The following EPHA6 variants were observed in gnomAD, a reference collection of about 807,000 sequenced individuals.
EPHA6 encodes ephrin type-A receptor 6.
Under a neutral mutation model 112.0 loss-of-function variants are expected in EPHA6, and 50 were observed. The ratio of observed to expected loss-of-function variants is 0.45; its 90% confidence interval spans 0.36 to 0.56. The LOEUF (loss-of-function observed/expected upper bound fraction) is 0.56, where lower values mean the gene tolerates loss of function less well. Ranked by LOEUF, EPHA6 falls within the 20% of genes least tolerant of loss-of-function variation. The pLI, the probability that EPHA6 is intolerant of heterozygous loss-of-function variation, is 0.00. For synonymous variants in EPHA6, 529 were observed against 490.7 expected (o/e 1.08, Z -1.03); for missense variants, 1,280 against 1,417.4 (o/e 0.90, Z 1.56).
At chr3:97,057,023 T>G (rs558835245) in intron 3 of EPHA6, among the ~76,000 whole-genome samples, 3 of 152,338 alleles carry the variant, frequency 2.0e-5, no homozygotes, top group Non-Finnish European at 1.5e-5. Context: ...TGATCATTAT[T>G]CCTATCTGTT....
At chr3:97,527,396 A>G (rs2092636327) in intron 10 of EPHA6, among the ~76,000 whole-genome samples, 1 of 152,112 alleles carries the variant, frequency 6.6e-6, no homozygotes, top group Admixed American at 6.6e-5. Context: ...GAAATTTTTT[A>G]TCATGAATGG....
chr3:97,107,303 G>A (rs143417302), intron 3 of EPHA6, among the ~76,000 whole-genome samples: 64 of 151,984 alleles, frequency 4.2e-4, no homozygotes, highest in African/African-American at 1.4e-3. Context: ...CATTTTCATC[G>A]GCCTTCTTAA....
chr3:97,170,019 G>A (rs1424607646), intron 3 of EPHA6, among the ~76,000 whole-genome samples: 1 of 151,928 alleles, frequency 6.6e-6, no homozygotes, highest in Non-Finnish European at 1.5e-5. Flanking sequence ...TGCATGTGGG[G>A]CTTACAACCT....
chr3:97,295,289 T>A (rs1576867998), intron 5 of EPHA6, among the ~76,000 whole-genome samples: 1 of 152,226 alleles, frequency 6.6e-6, no homozygotes, highest in Admixed American at 6.5e-5. Context: ...CTTTTTTGTC[T>A]GACATAGTAA....
intron 3 of EPHA6, among the ~76,000 whole-genome samples, chr3:97,003,716 T>C (rs2043762306): frequency 6.6e-6 from 1 of 152,152 alleles, no homozygotes; most frequent in Non-Finnish European, 1.5e-5. Flanking sequence ...CACGCAGATT[T>C]GTTACATAGG....
At chr3:97,093,134 C>T (rs2047125505) in intron 3 of EPHA6, among the ~76,000 whole-genome samples, 1 of 152,112 alleles carries the variant, frequency 6.6e-6, no homozygotes, top group Admixed American at 6.6e-5. Flanking sequence ...AAATATAATC[C>T]TTGGTTATAC....
chr3:97,162,417 C>A (rs2076435393), intron 3 of EPHA6, among the ~76,000 whole-genome samples: 1 of 152,090 alleles, frequency 6.6e-6, no homozygotes, highest in Non-Finnish European at 1.5e-5. Flanking sequence ...GGGAAATAAC[C>A]AAAGGATGGG....
At chr3:97,311,150 C>G (rs371538109) in intron 5 of EPHA6, among the ~76,000 whole-genome samples, 2 of 151,758 alleles carry the variant, frequency 1.3e-5, no homozygotes, top group African/African-American at 4.8e-5. Context: ...TTTCTCTTCT[C>G]CATGCTGAAA....
At chr3:96,991,611 A>C (rs2043219536) in intron 3 of EPHA6, among the ~76,000 whole-genome samples, 1 of 152,142 alleles carries the variant, frequency 6.6e-6, no homozygotes, top group South Asian at 2.1e-4. Flanking sequence ...ACAATACATT[A>C]TTTTACAGTC....
At chr3:97,218,749 C>A (rs2078106483) in intron 3 of EPHA6, among the ~76,000 whole-genome samples, 1 of 152,160 alleles carries the variant, frequency 6.6e-6, no homozygotes, top group Admixed American at 6.5e-5. Context: ...CCAATCATGC[C>A]TTCCCAACTG....
intron 2 of EPHA6, among the ~76,000 whole-genome samples, chr3:96,906,172 T>C (rs1267788330): frequency 6.6e-6 from 1 of 152,126 alleles, no homozygotes; most frequent in African/African-American, 2.4e-5. Context: ...ATCAAGAAAT[T>C]GCTAAGCAGA....
chr3:97,341,207 T>G (rs2083285932), intron 5 of EPHA6, among the ~76,000 whole-genome samples: 1 of 152,144 alleles, frequency 6.6e-6, no homozygotes, highest in Non-Finnish European at 1.5e-5. Context: ...ATGGGCACGT[T>G]GGCTGTCAGA....
rs781751530 is a variant in EPHA6, at chr3:96,854,179, CTTTTTTT to C, written c.386-12634_386-12628del. On this transcript the variant is annotated intron_variant, in intron 1 of 17. Transcript: ENST00000389672. Reference sequence around the variant, plus strand: ...ATACTTCAACTCTGTTTAATCATGACTTTTTTTTTTTTTTTTTTGAGATGGAGTCTCG... The same window carrying C: ...ATACTTCAACTCTGTTTAATCATGACTTTTTTTTTTTGAGATGGAGTCTCG... Among the ~76,000 whole-genome samples, 8 of 131,262 alleles carry C rather than the reference CTTTTTTT, an allele frequency of 6.1e-5. No homozygotes were observed. The Admixed American group carries it at 6.3e-4, about 10-fold the overall frequency. 86.1% of individuals were successfully genotyped at this position (131,262 alleles called of 152,430 possible).
At chr3:96,925,457 G>A (rs908747822) in intron 2 of EPHA6, among the ~76,000 whole-genome samples, 19 of 151,938 alleles carry the variant, frequency 1.3e-4, no homozygotes, top group Non-Finnish European at 2.2e-4. Context: ...ATTTTCTGAT[G>A]GTTGTTTGCA....
intron 3 of EPHA6, among the ~76,000 whole-genome samples, chr3:97,063,599 G>T (rs138502491): frequency 6.6e-6 from 1 of 152,168 alleles, no homozygotes; most frequent in Non-Finnish European, 1.5e-5. Flanking sequence ...TGCATGCTGG[G>T]CTTAGTACCT....
intron 6 of EPHA6, among the ~76,000 whole-genome samples, chr3:97,424,723 T>G (rs1326350556): frequency 6.6e-6 from 1 of 151,166 alleles, no homozygotes; most frequent in Non-Finnish European, 1.5e-5. Context: ...GGAGAATCAC[T>G]TGAACCCAGG....
chr3:97,013,167 T>C (rs756734599), intron 3 of EPHA6, among the ~76,000 whole-genome samples: 19 of 152,164 alleles, frequency 1.2e-4, no homozygotes, highest in Non-Finnish European at 2.4e-4. Flanking sequence ...ATAAATTCTT[T>C]CTCAAGTCCA....
At chr3:97,685,993 A>G (rs1268551410) in intron 14 of EPHA6, among the ~76,000 whole-genome samples, 2 of 152,166 alleles carry the variant, frequency 1.3e-5, no homozygotes, top group Non-Finnish European at 2.9e-5. Context: ...TACACTAAGC[A>G]TTATATTCTT....
intron 10 of EPHA6, among the ~76,000 whole-genome samples, chr3:97,524,313 T>A (rs376368996): frequency 6.6e-6 from 1 of 152,170 alleles, no homozygotes. Flanking sequence ...GTTAAAGTAT[T>A]CTAATTTAAG....
Sources: allele counts gnomAD v4.1 joint callset (sites outside exome capture counted in the v4.1 genomes callset), GRCh38; gene constraint gnomAD v4.1.1; transcripts MANE v1.5; gene names NCBI Gene and HGNC (gene_info 2026-07-23, HGNC 2026-07-21).